Variants in TMEM126A observed in about 807,000 individuals in gnomAD.
TMEM126A encodes the protein transmembrane protein 126A.
A neutral mutation model predicts 18.3 loss-of-function variants in TMEM126A; 10 were observed. The ratio of observed to expected loss-of-function variants is 0.55; its 90% CI spans 0.34 to 0.93. The LOEUF is 0.93. Ranked by LOEUF, TMEM126A falls within the 40% of genes least tolerant of loss-of-function variation. The pLI is 0.02. For missense variants in TMEM126A, 246 were observed against 230.2 expected (o/e 1.07, Z -0.44); for synonymous variants, 68 against 78.1 (o/e 0.87, Z 0.68).
At chr11:85,655,025 G>T (rs961027606) in intron 3 of TMEM126A, among the ~76,000 whole-genome samples, 1 of 151,974 alleles carries the variant, frequency 6.6e-6, no homozygotes, top group African/African-American at 2.4e-5. Flanking sequence ...AATACATGGA[G>T]ATTTGATTTC....
At chr11:85,649,728 G>T (rs917598914) in intron 1 of TMEM126A, among the ~76,000 whole-genome samples, 3 of 152,138 alleles carry the variant, frequency 2.0e-5, no homozygotes, top group African/African-American at 7.2e-5. Flanking sequence ...CTCACTGTGG[G>T]TTGTTCCCCC....
At chr11:85,652,272 G>A (rs954118389) in intron 2 of TMEM126A, among the ~76,000 whole-genome samples, 1 of 152,180 alleles carries the variant, frequency 6.6e-6, no homozygotes, top group Admixed American at 6.5e-5. Flanking sequence ...TAGTTTAGAG[G>A]CAATAAATGT....
intron 4 of TMEM126A, 102 bp from the exon 5 acceptor site, chr11:85,656,207 C>T: frequency 9.8e-7 from 1 of 1,025,164 alleles, no homozygotes; most frequent in Non-Finnish European, 1.5e-6. Flanking sequence ...CTTTAATATT[C>T]AGTTTTATCT....
intron 2 of TMEM126A, among the ~76,000 whole-genome samples, chr11:85,652,155 C>T (rs1386083622): frequency 6.6e-6 from 1 of 152,160 alleles, no homozygotes; most frequent in Non-Finnish European, 1.5e-5. Flanking sequence ...CAGAGCAAGA[C>T]TGTCTCAAAA....
At chr11:85,653,913 T>A in intron 2 of TMEM126A, 150 bp from the exon 3 acceptor site, 1 of 873,922 alleles carries the variant, frequency 1.1e-6, no homozygotes, top group Non-Finnish European at 1.9e-6. Flanking sequence ...AAAACCTATA[T>A]ATAAAGCAAT....
chr11:85,651,912 C>G (rs2082503409), intron 2 of TMEM126A, among the ~76,000 whole-genome samples: 1 of 152,154 alleles, frequency 6.6e-6, no homozygotes, highest in South Asian at 2.1e-4. Context: ...ACCTGTAATC[C>G]CAGCACTTTG....
intron 2 of TMEM126A, among the ~76,000 whole-genome samples, chr11:85,651,850 G>A (rs1165394040): frequency 1.3e-5 from 2 of 152,154 alleles, no homozygotes; most frequent in Admixed American, 1.3e-4. Flanking sequence ...AGCAAGATAG[G>A]GAAAGTGAGA....
At chr11:85,655,495 GA>G in intron 3 of TMEM126A, 98 bp from the exon 4 acceptor site, 1 of 913,082 alleles carries the variant, frequency 1.1e-6, no homozygotes, top group East Asian at 2.4e-5. Flanking sequence ...TATATTACCT[GA>G]AAAATACCTG....
intron 3 of TMEM126A, 128 bp downstream of exon 3, chr11:85,654,384 T>C (rs1176239549): frequency 1.2e-5 from 11 of 907,706 alleles, no homozygotes; most frequent in South Asian, 3.1e-5. Context: ...TGCTAGCCTA[T>C]ATAATGTGGC....
At chr11:85,652,517 T>C (rs770351220) in intron 2 of TMEM126A, among the ~76,000 whole-genome samples, 20 of 152,342 alleles carry the variant, frequency 1.3e-4, no homozygotes, top group Non-Finnish European at 2.4e-4. Flanking sequence ...ATGTTTGTCA[T>C]TTGTTAAATT....
At chr11:85,650,991 C>G (rs974398535) in intron 2 of TMEM126A, among the ~76,000 whole-genome samples, 1 of 142,808 alleles carries the variant, frequency 7.0e-6, no homozygotes, top group African/African-American at 2.7e-5. Flanking sequence ...ATTGCTTGAA[C>G]CAGGGAGGCG....
At chr11:85,650,381 T>C in intron 2 of TMEM126A, 40 bp downstream of exon 2, 1 of 1,380,910 alleles carries the variant, frequency 7.2e-7, no homozygotes, top group Middle Eastern at 1.9e-4. Flanking sequence ...TTTTATCAGG[T>C]GGATTTTCAC....
chr11:85,654,277 A>C (rs1267603421), intron 3 of TMEM126A, 21 bp downstream of exon 3: 1 of 1,611,258 alleles, frequency 6.2e-7, no homozygotes, highest in Non-Finnish European at 8.5e-7. Flanking sequence ...CTTCACTATC[A>C]CCAAAGAGTT....
chr11:85,650,187 CAGA>C (rs2082488289), intron 1 of TMEM126A, 59 bp from the exon 2 acceptor site: 9 of 1,067,650 alleles, frequency 8.4e-6, no homozygotes, highest in Non-Finnish European at 1.3e-5. Context: ...TTTTAGTCTT[CAGA>C]AGGTTTTTAA....
intron 3 of TMEM126A, 56 bp from the exon 4 acceptor site, chr11:85,655,538 A>T: frequency 1.6e-6 from 2 of 1,261,930 alleles, no homozygotes; most frequent in Non-Finnish European, 1.2e-6. Context: ...ACATTCTTTA[A>T]ATCATGTTTG....
rs185469372 is a variant in TMEM126A, at chr11:85,656,050, G to A, written c.396-259G>A. 1.2e-4 allele frequency among the ~76,000 whole-genome samples: 18 copies of A among 152,258 alleles called. 1 individual carries two copies. Among genetic ancestry groups the A allele is most frequent in the African/African-American group, 3.6e-4 (15 of 41,556 alleles). On this transcript the variant is annotated intron_variant, in intron 4 of 4. Coordinates refer to ENST00000304511, the MANE Select transcript of TMEM126A (RefSeq NM_032273.4). Reference sequence around the variant, plus strand: ...CTAAAGGAAAATTCCATCAGAAAATGTCTAGCTGTTATATTAGCCTTCTAT... The same window carrying A: ...CTAAAGGAAAATTCCATCAGAAAATATCTAGCTGTTATATTAGCCTTCTAT...
chr11:85,650,437 A>G (rs914408463), intron 2 of TMEM126A, 96 bp downstream of exon 2: 2 of 947,406 alleles, frequency 2.1e-6, no homozygotes, highest in African/African-American at 3.3e-5. Flanking sequence ...TATAAACAAC[A>G]TGGAATGTGA....
At chr11:85,655,157 A>T (rs1487338288) in intron 3 of TMEM126A, among the ~76,000 whole-genome samples, 2 of 152,176 alleles carry the variant, frequency 1.3e-5, no homozygotes, top group Non-Finnish European at 2.9e-5. Context: ...GTCCATCTAA[A>T]TTTTGTTAAG....
chr11:85,650,937 C>T (rs1335421974), intron 2 of TMEM126A, among the ~76,000 whole-genome samples: 1 of 151,858 alleles, frequency 6.6e-6, no homozygotes, highest in African/African-American at 2.4e-5. Context: ...GGCGTGGTGG[C>T]AGGTGCCTGT....
Sources: gnomAD v4.1 joint callset for allele counts (sites outside exome capture counted in the v4.1 genomes callset) on GRCh38, gnomAD v4.1.1 for gene constraint, MANE v1.5 for transcripts, NCBI Gene and HGNC (gene_info 2026-07-23, HGNC 2026-07-21) for gene names.